CERS6: variants seen among roughly 807,000 people sequenced by gnomAD.
CERS6 encodes the protein LAG1 homolog, ceramide synthase 6.
A neutral mutation model predicts 56.8 loss-of-function variants in CERS6; 26 were observed. That is an observed-to-expected ratio of 0.46 (90% CI 0.34 to 0.63). The LOEUF (loss-of-function observed/expected upper bound fraction) is 0.63. Among genes scored for constraint, CERS6 ranks in the 30% least tolerant of loss-of-function variants. The pLI is 0.01. For synonymous variants in CERS6, 164 were observed against 173.3 expected, an observed-to-expected ratio of 0.95 and a Z score of 0.42; for missense variants, 415 against 467.5, an observed-to-expected ratio of 0.89 and a Z score of 1.04.
At chr2:168,582,853 TCCTTCCCAAGCA>T (rs1394944503) in intron 3 of CERS6, 4 of 154,290 alleles carry the variant, frequency 2.6e-5, no homozygotes, top group Non-Finnish European at 5.9e-5. Flanking sequence ...GAAATAGCCA[TCCTTCCCAAGCA>T]CCCACAGTGT....
At chr2:168,617,075 A>G (rs1332429758) in intron 3 of CERS6, among the ~76,000 whole-genome samples, 2 of 152,192 alleles carry the variant, frequency 1.3e-5, no homozygotes, top group South Asian at 4.1e-4. Flanking sequence ...CAACTCCAAA[A>G]GGAACCTTCA....
intron 4 of CERS6, among the ~76,000 whole-genome samples, chr2:168,663,378 T>G (rs1367759834): frequency 6.6e-6 from 1 of 152,182 alleles, no homozygotes; most frequent in Non-Finnish European, 1.5e-5. Flanking sequence ...TCAGAACTAC[T>G]ACTGGAATGC....
At chr2:168,548,703 C>G (rs1169075598) in intron 2 of CERS6, among the ~76,000 whole-genome samples, 3 of 152,210 alleles carry the variant, frequency 2.0e-5, no homozygotes, top group African/African-American at 4.8e-5. Context: ...TCTCGTCTTA[C>G]AACTATTAAT....
chr2:168,563,612 A>C (rs1425654367), intron 3 of CERS6, among the ~76,000 whole-genome samples: 1 of 152,164 alleles, frequency 6.6e-6, no homozygotes, highest in Non-Finnish European at 1.5e-5. Context: ...CCTGGCTAAA[A>C]TGGTGAAACC....
intron 4 of CERS6, among the ~76,000 whole-genome samples, chr2:168,642,743 G>C (rs950684335): frequency 2.0e-5 from 3 of 152,128 alleles, no homozygotes; most frequent in Non-Finnish European, 4.4e-5. Flanking sequence ...GTACAGTAAA[G>C]GCCTATATTG....
At chr2:168,489,146 T>G (rs1694324708) in intron 1 of CERS6, among the ~76,000 whole-genome samples, 1 of 152,166 alleles carries the variant, frequency 6.6e-6, no homozygotes, top group Non-Finnish European at 1.5e-5. Context: ...TAGCTTTCTT[T>G]CCTGAAGGAT....
chr2:168,735,880 CAAAAAA>C (rs145418479), intron 8 of CERS6, among the ~76,000 whole-genome samples: 2 of 106,568 alleles, frequency 1.9e-5, no homozygotes, highest in African/African-American at 3.6e-5. Context: ...GACCCTGTCT[CAAAAAA>C]AAAAAAAAAA....
intron 3 of CERS6, among the ~76,000 whole-genome samples, chr2:168,595,823 G>A (rs927808149): frequency 6.6e-6 from 1 of 152,104 alleles, no homozygotes; most frequent in African/African-American, 2.4e-5. Context: ...AAGATTTGTG[G>A]AGATCAAAAA....
At chr2:168,618,921 A>G (rs1684391420) in intron 3 of CERS6, among the ~76,000 whole-genome samples, 1 of 152,238 alleles carries the variant, frequency 6.6e-6, no homozygotes, top group Non-Finnish European at 1.5e-5. Context: ...TACATAGCCA[A>G]AGCAAGACTA....
chr2:168,688,706 T>C (rs1437540122), intron 4 of CERS6, among the ~76,000 whole-genome samples: 1 of 152,204 alleles, frequency 6.6e-6, no homozygotes, highest in East Asian at 1.9e-4. Context: ...TATTCCTAAA[T>C]GATTGGCCAG....
At position 168,708,775 on chromosome 2, in the gene CERS6, C is replaced by G. The variant is rs575460098; in HGVS notation, c.610-6226C>G. Among the ~76,000 whole-genome samples, 22 of 152,192 alleles carry G rather than the reference C, an allele frequency of 1.4e-4. No individual in the cohort carries two copies. The South Asian group carries it at 4.6e-3, about 32-fold the overall frequency. ...ATCAGGCTTTAATTAAAATCTTGCT[C>G]TTCTAAATTCCCTTTATAAAGAGGT... On this transcript the variant is annotated intron_variant, in intron 6 of 9. Transcript: ENST00000305747.
At chr2:168,717,181 G>A (rs1687245698) in intron 7 of CERS6, among the ~76,000 whole-genome samples, 2 of 152,108 alleles carry the variant, frequency 1.3e-5, no homozygotes, top group African/African-American at 4.8e-5. Flanking sequence ...AATTATGAGA[G>A]TACTTTTCAC....
intron 8 of CERS6, among the ~76,000 whole-genome samples, chr2:168,721,419 G>C (rs1427086809): frequency 6.6e-6 from 1 of 151,822 alleles, no homozygotes; most frequent in Non-Finnish European, 1.5e-5. Context: ...ATTAATGTTT[G>C]TATACAAGCT....
intron 4 of CERS6, among the ~76,000 whole-genome samples, chr2:168,662,711 G>A (rs151020997): frequency 0.051 from 7,697 of 152,140 alleles, 511 homozygotes; most frequent in African/African-American, 0.15. Context: ...CAGCCTGGGC[G>A]ACAAGAGCGA....
chr2:168,571,586 A>C (rs1695988052), intron 3 of CERS6, among the ~76,000 whole-genome samples: 1 of 152,180 alleles, frequency 6.6e-6, no homozygotes, highest in African/African-American at 2.4e-5. Context: ...AGGCCTTCCC[A>C]CATCCAAATT....
rs543476731 is a variant in CERS6 at position 168,735,722 on chromosome 2, A to T, written c.845+17744A>T. Among the ~76,000 whole-genome samples the T allele has an allele frequency of 3.8e-4, 56 of 146,202 alleles. 1 individual carries two copies. Among genetic ancestry groups the T allele is most frequent in the African/African-American group, 1.1e-3 (40 of 37,782 alleles). ...GAGGCCCCATCTCTACTAAAAATTT[A>T]AAAAAAAAAATCAGCCAGGCGTGAT... On this transcript the variant is annotated intron_variant, in intron 8 of 9. Transcript: ENST00000305747.
At chr2:168,628,842 C>T (rs1011793050) in intron 3 of CERS6, among the ~76,000 whole-genome samples, 6 of 152,060 alleles carry the variant, frequency 3.9e-5, no homozygotes, top group Non-Finnish European at 7.4e-5. Context: ...AGAACTCTTC[C>T]CTGATTCTAG....
intron 1 of CERS6, among the ~76,000 whole-genome samples, chr2:168,469,563 G>C (rs1444478855): frequency 6.6e-6 from 1 of 152,118 alleles, no homozygotes; most frequent in Non-Finnish European, 1.5e-5. Flanking sequence ...TCCACTGTGG[G>C]TCAGACAACA....
At chr2:168,760,137 G>A (rs1684530535) in intron 8 of CERS6, among the ~76,000 whole-genome samples, 1 of 152,132 alleles carries the variant, frequency 6.6e-6, no homozygotes, top group South Asian at 2.1e-4. Flanking sequence ...CACTGTATTA[G>A]TCAGGATTCC....
Sources: allele counts gnomAD v4.1 joint callset (sites outside exome capture counted in the v4.1 genomes callset), GRCh38; gene constraint gnomAD v4.1.1; transcripts MANE v1.5; gene names NCBI Gene and HGNC (gene_info 2026-07-23, HGNC 2026-07-21).